Variants in PCP4 observed in about 807,000 individuals in gnomAD.
PCP4 encodes calmodulin regulator protein PCP4.
A neutral mutation model predicts 10.0 loss-of-function variants in PCP4; 8 were observed. The ratio of observed to expected loss-of-function variants is 0.80; its 90% CI spans 0.47 to 1.45. The LOEUF (loss-of-function observed/expected upper bound fraction) is 1.45. Ranked by LOEUF, PCP4 falls within the 40% of genes most tolerant of loss-of-function variation. The probability of loss-of-function intolerance (pLI) is 0.00; values close to 1 mark genes in which losing one functional copy is unlikely to be tolerated. For missense variants in PCP4, 54 were observed against 74.4 expected (o/e 0.73, Z 1.01); for synonymous variants, 21 against 23.0 (o/e 0.91, Z 0.24).
intron 2 of PCP4, among the ~76,000 whole-genome samples, chr21:39,925,493 CG>C (rs1240843822): frequency 2.0e-5 from 3 of 152,208 alleles, no homozygotes; most frequent in Non-Finnish European, 4.4e-5. Flanking sequence ...GACAAAGTCC[CG>C]GGCCTCACAG....
At chr21:39,891,147 A>G (rs1343817090) in intron 1 of PCP4, among the ~76,000 whole-genome samples, 2 of 152,164 alleles carry the variant, frequency 1.3e-5, no homozygotes, top group Non-Finnish European at 2.9e-5. Context: ...ATTGAATATG[A>G]AGGGATTGTT....
At chr21:39,922,794 C>T (rs1206333006) in intron 2 of PCP4, among the ~76,000 whole-genome samples, 1 of 152,140 alleles carries the variant, frequency 6.6e-6, no homozygotes, top group Non-Finnish European at 1.5e-5. Context: ...CGTAGCTGCC[C>T]AGCCTGATAG....
intron 2 of PCP4, among the ~76,000 whole-genome samples, chr21:39,923,195 A>C (rs905965820): frequency 6.6e-6 from 1 of 152,246 alleles, no homozygotes; most frequent in Non-Finnish European, 1.5e-5. Context: ...AGCCGTAGAC[A>C]AGTCAAATGT....
intron 1 of PCP4, among the ~76,000 whole-genome samples, chr21:39,868,699 CATT>C (rs946371218): frequency 2.6e-5 from 4 of 152,250 alleles, no homozygotes; most frequent in Admixed American, 2.6e-4. Context: ...CAGTGGGCAC[CATT>C]ATTATTCCCA....
Position 39,904,322 on chromosome 21 carries a change from C to T in PCP4, c.61+5795C>T, listed in dbSNP as rs557929817. Reference sequence around the variant, plus strand: ...GTGTTCTTGGTGCAAGATTATCTTTCAAGACCTACGTGCTGACTTAGGCAG... The same window carrying T: ...GTGTTCTTGGTGCAAGATTATCTTTTAAGACCTACGTGCTGACTTAGGCAG... On this transcript the variant is annotated intron_variant, in intron 2 of 2. Coordinates refer to ENST00000328619, the MANE Select transcript of PCP4 (RefSeq NM_006198.3). Among the ~76,000 whole-genome samples the T allele has an allele frequency of 1.2e-3, 176 of 152,234 alleles. 1 individual carries two copies. The highest frequency in any genetic ancestry group is 2.1e-3 in the Non-Finnish European group (144 of 68,032).
chr21:39,875,604 A>G (rs1019040920), intron 1 of PCP4, among the ~76,000 whole-genome samples: 3 of 152,206 alleles, frequency 2.0e-5, no homozygotes, highest in African/African-American at 7.2e-5. Context: ...ACTTTCCACA[A>G]TTGTGGTTGC....
At chr21:39,905,407 A>G (rs899546018) in intron 2 of PCP4, among the ~76,000 whole-genome samples, 1 of 152,192 alleles carries the variant, frequency 6.6e-6, no homozygotes, top group South Asian at 2.1e-4. Flanking sequence ...AAAAAATGAC[A>G]TTGGAATTGC....
intron 2 of PCP4, among the ~76,000 whole-genome samples, chr21:39,919,777 G>A (rs2087585852): frequency 6.7e-6 from 1 of 150,070 alleles, no homozygotes. Context: ...TGTATGTGTG[G>A]TATGTGTTTG....
At chr21:39,913,389 C>T (rs913861499) in intron 2 of PCP4, among the ~76,000 whole-genome samples, 1 of 152,188 alleles carries the variant, frequency 6.6e-6, no homozygotes, top group Non-Finnish European at 1.5e-5. Context: ...GAAATCAGCA[C>T]CCATCTTTGT....
intron 2 of PCP4, among the ~76,000 whole-genome samples, chr21:39,901,603 G>A (rs2837280): frequency 1.3e-5 from 2 of 152,060 alleles, no homozygotes; most frequent in East Asian, 3.9e-4. Flanking sequence ...ACTGAGTGAG[G>A]TTTTTTATGG....
At chr21:39,882,924 A>G (rs972041603) in intron 1 of PCP4, among the ~76,000 whole-genome samples, 1 of 152,198 alleles carries the variant, frequency 6.6e-6, no homozygotes. Context: ...GGCAACTTCT[A>G]CGTAGACTGT....
chr21:39,921,816 A>G (rs1451811558), intron 2 of PCP4, among the ~76,000 whole-genome samples: 1 of 152,218 alleles, frequency 6.6e-6, no homozygotes, highest in Non-Finnish European at 1.5e-5. Flanking sequence ...CCATTGGTGA[A>G]GCCATCTAGT....
intron 2 of PCP4, among the ~76,000 whole-genome samples, chr21:39,914,454 G>C (rs1350018576): frequency 6.6e-6 from 1 of 151,734 alleles, no homozygotes; most frequent in East Asian, 1.9e-4. Context: ...GGTGGCGTGT[G>C]CCTATAATCT....
intron 2 of PCP4, among the ~76,000 whole-genome samples, chr21:39,927,456 C>T (rs2087630579): frequency 6.6e-6 from 1 of 152,144 alleles, no homozygotes; most frequent in African/African-American, 2.4e-5. Flanking sequence ...CAAGGAACCC[C>T]AGCTTCCTCC....
intron 2 of PCP4, among the ~76,000 whole-genome samples, chr21:39,920,610 G>C (rs2087592691): frequency 6.6e-6 from 1 of 152,168 alleles, no homozygotes; most frequent in Non-Finnish European, 1.5e-5. Context: ...ACAGATTTGA[G>C]AGTTTCCTTT....
intron 2 of PCP4, among the ~76,000 whole-genome samples, chr21:39,903,837 C>T (rs998029357): frequency 7.3e-6 from 1 of 137,002 alleles, no homozygotes; most frequent in African/African-American, 2.7e-5. Flanking sequence ...CACTGCAATC[C>T]GGCCTGGGCT....
intron 2 of PCP4, among the ~76,000 whole-genome samples, chr21:39,905,296 G>C (rs576081259): frequency 6.6e-6 from 1 of 152,240 alleles, no homozygotes; most frequent in South Asian, 2.1e-4. Flanking sequence ...CTCAAGAGAT[G>C]GGGTCCTTTG....
At chr21:39,905,170 A>T (rs1021965582) in intron 2 of PCP4, among the ~76,000 whole-genome samples, 6 of 152,260 alleles carry the variant, frequency 3.9e-5, no homozygotes, top group Non-Finnish European at 5.9e-5. Context: ...GGCGCCTTCA[A>T]GGTAAAAACT....
chr21:39,903,306 G>A (rs1413307888), intron 2 of PCP4, among the ~76,000 whole-genome samples: 3 of 152,184 alleles, frequency 2.0e-5, no homozygotes, highest in Non-Finnish European at 2.9e-5. Context: ...GTTTCTACAA[G>A]GCTCTGTTTC....
Sources: allele counts gnomAD v4.1 joint callset (sites outside exome capture counted in the v4.1 genomes callset), GRCh38; gene constraint gnomAD v4.1.1; transcripts MANE v1.5; gene names NCBI Gene and HGNC (gene_info 2026-07-23, HGNC 2026-07-21).